EVL: variants seen among roughly 807,000 people sequenced by gnomAD.
EVL encodes the protein ena/VASP-like protein.
In EVL, 21 loss-of-function variants were observed where a neutral mutation model predicts 59.6. The observed-to-expected ratio is 0.35, with a 90% CI of 0.25 to 0.51. The LOEUF (loss-of-function observed/expected upper bound fraction) is 0.51, where lower values mean the gene tolerates loss of function less well. Ranked by LOEUF, EVL falls within the 20% of genes least tolerant of loss-of-function variation. The pLI is 0.97. For synonymous variants in EVL, 198 were observed against 203.5 expected, an observed-to-expected ratio of 0.97 and a Z score of 0.23; for missense variants, 462 against 546.6, an observed-to-expected ratio of 0.85 and a Z score of 1.54.
chr14:100,129,821 C>G, intron 7 of EVL, 137 bp downstream of exon 7: 9 of 1,302,064 alleles, frequency 6.9e-6, no homozygotes, highest in Non-Finnish European at 9.2e-6. Context: ...GAAACTGTTA[C>G]TTAAGTTTTC....
At chr14:100,128,793 C>A in intron 6 of EVL, 45 bp downstream of exon 6, 3 of 1,516,820 alleles carry the variant, frequency 2.0e-6, no homozygotes, top group South Asian at 1.1e-5. Context: ...CGAGGGGACC[C>A]TTGTGCCATC....
At chr14:100,141,619 C>T in intron 12 of EVL, 117 bp from the exon 13 acceptor site, 1 of 902,246 alleles carries the variant, frequency 1.1e-6, no homozygotes, top group Non-Finnish European at 1.7e-6. Flanking sequence ...ACAAGGGTGA[C>T]AGATGCAACT....
At position 100,115,967 on chromosome 14, in the gene EVL, G is replaced by A. The variant is rs536612639; in HGVS notation, c.359-7572G>A. Among the ~76,000 whole-genome samples, 8 of 152,336 alleles carry A rather than the reference G, an allele frequency of 5.3e-5. No homozygotes were observed. The South Asian group carries it at 1.4e-3, about 28-fold the overall frequency. On this transcript the variant is annotated intron_variant, in intron 3 of 13. Coordinates refer to ENST00000392920, the MANE Select transcript of EVL (RefSeq NM_016337.3). ...AATCAGTGCTGAGCATCAGTGCACT[G>A]GGGTGGACAGAGCCCTGGGCCGGGA...
At chr14:100,024,130 C>A (rs1168448594) in intron 1 of EVL, among the ~76,000 whole-genome samples, 1 of 152,160 alleles carries the variant, frequency 6.6e-6, no homozygotes, top group Admixed American at 6.5e-5. Flanking sequence ...ATGGAAGTTA[C>A]TATTTTGAGT....
At chr14:100,137,404 T>C in intron 9 of EVL, 174 bp from the exon 10 acceptor site, 2 of 642,768 alleles carry the variant, frequency 3.1e-6, no homozygotes, top group East Asian at 2.7e-5. Context: ...ACCTAGGCCA[T>C]GGGGGACTGA....
At chr14:100,028,520 A>G (rs910412348) in intron 1 of EVL, among the ~76,000 whole-genome samples, 9 of 152,214 alleles carry the variant, frequency 5.9e-5, no homozygotes, top group African/African-American at 2.2e-4. Flanking sequence ...ACTTAAAAAT[A>G]ACAATCTATC....
intron 1 of EVL, among the ~76,000 whole-genome samples, chr14:100,029,302 T>C (rs1452420070): frequency 6.6e-6 from 1 of 152,212 alleles, no homozygotes; most frequent in Non-Finnish European, 1.5e-5. Flanking sequence ...GTTGCAAACA[T>C]ATCCTCAACT....
intron 1 of EVL, among the ~76,000 whole-genome samples, chr14:100,056,287 T>A (rs943146820): frequency 6.6e-6 from 1 of 151,710 alleles, no homozygotes; most frequent in Admixed American, 6.6e-5. Context: ...CTACCTGATG[T>A]TTTTGGGTCA....
At chr14:100,100,533 G>A (rs934070761) in intron 3 of EVL, among the ~76,000 whole-genome samples, 1 of 152,000 alleles carries the variant, frequency 6.6e-6, no homozygotes, top group Non-Finnish European at 1.5e-5. Context: ...GCACCAAAAG[G>A]CCCTCCCCGC....
At chr14:100,047,110 CTCTCTCTCTT>C (rs2061561498) in intron 1 of EVL, among the ~76,000 whole-genome samples, 1 of 21,548 alleles carries the variant, frequency 4.6e-5, no homozygotes, top group African/African-American at 1.3e-4. Context: ...TTGGGCAGAT[CTCTCTCTCTT>C]TTTTTTTTTT....
rs1595532598 is a variant in EVL at position 99,972,137 on chromosome 14, G to C, written c.5+80G>C. ...TGGGCTGGGGGCCCGCGGTGCCCCC[G>C]AGGGCGGGAGGGGGGCTCCACGGGC... On this transcript the variant is annotated intron_variant, in intron 1 of 13. Transcript: ENST00000402714. The surrounding 1 kb of genome is among the most constrained non-coding windows in gnomAD (Gnocchi z 4.4). 3.3e-6 allele frequency: 1 copy of C among 303,664 alleles called. No individual in the cohort carries two copies. The highest frequency in any genetic ancestry group is 6.1e-6 in the Non-Finnish European group (1 of 164,390). The allele number at this position is 303,664 out of a possible 1,614,324, so 18.8% of individuals were successfully genotyped here. A position where few individuals can be genotyped will look rare whatever the true frequency, so the allele number is the denominator to read the frequency against.
chr14:100,098,165 A>G (rs1206681963), intron 3 of EVL, among the ~76,000 whole-genome samples: 1 of 152,230 alleles, frequency 6.6e-6, no homozygotes, highest in East Asian at 1.9e-4. Context: ...ACTGGAATGT[A>G]TTGCAGTAAG....
At chr14:100,103,979 C>T (rs1886399104) in intron 3 of EVL, among the ~76,000 whole-genome samples, 2 of 152,166 alleles carry the variant, frequency 1.3e-5, no homozygotes, top group African/African-American at 4.8e-5. Context: ...TGTGTGTGTG[C>T]ATATGTACTT....
At chr14:100,138,054 C>A in intron 11 of EVL, 1 of 581,430 alleles carries the variant, frequency 1.7e-6, no homozygotes, top group Non-Finnish European at 3.1e-6. Flanking sequence ...AGGGGGGGGC[C>A]AACATGGAGT....
intron 11 of EVL, 73 bp from the exon 12 acceptor site, chr14:100,141,107 G>A (rs867836125): frequency 1.4e-4 from 208 of 1,473,540 alleles, no homozygotes; most frequent in African/African-American, 3.6e-4. Flanking sequence ...CAGCCTGAGC[G>A]GGGCCTCTGC....
Position 100,135,887 on chromosome 14 carries a change from CCTT to C in EVL, c.901-12_901-10del, listed in dbSNP as rs756118648. 5.6e-6 allele frequency: 9 copies of C among 1,613,734 alleles called. No individual in the cohort carries two copies. The East Asian group carries it at 6.7e-5, about 12-fold the overall frequency. On this transcript the variant is annotated splice_polypyrimidine_tract_variant and intron_variant, in intron 8 of 13. Transcript: ENST00000392920. ...CCAGGTGGCCTTCCTAAACAGACTC[CCTT>C]CTTCTCCATTTTAGGAAGATCCTAG...
chr14:100,044,003 A>C (rs551081883), intron 1 of EVL, among the ~76,000 whole-genome samples: 3 of 152,166 alleles, frequency 2.0e-5, no homozygotes, highest in Non-Finnish European at 4.4e-5. Flanking sequence ...ACCCGCCCAC[A>C]TTGAGGGTAG....
chr14:100,058,215 T>A (rs1409776913), intron 1 of EVL, among the ~76,000 whole-genome samples: 1 of 152,268 alleles, frequency 6.6e-6, no homozygotes, highest in African/African-American at 2.4e-5. Flanking sequence ...CAGCCCACTC[T>A]GCCTTCTCTT....
intron 1 of EVL, among the ~76,000 whole-genome samples, chr14:100,054,403 C>T (rs988977098): frequency 2.6e-5 from 4 of 152,090 alleles, no homozygotes; most frequent in African/African-American, 9.7e-5. Context: ...GAGACTGCCC[C>T]TCCCAGGGTT....
Sources: gnomAD v4.1 joint callset for allele counts (sites outside exome capture counted in the v4.1 genomes callset) on GRCh38, gnomAD v4.1.1 for gene constraint, Gnocchi (gnomAD v3.1) non-coding constraint, MANE v1.5 for transcripts, NCBI Gene and HGNC (gene_info 2026-07-23, HGNC 2026-07-21) for gene names.